FAF1: variants seen among roughly 807,000 people sequenced by gnomAD.
FAF1 encodes FAS-associated factor 1.
FAF1 carries 25 observed loss-of-function variants against 92.5 expected under a neutral mutation model. The observed-to-expected ratio is 0.27, with a 90% CI of 0.20 to 0.38. The LOEUF (loss-of-function observed/expected upper bound fraction) is 0.38, where lower values mean the gene tolerates loss of function less well. Ranked by LOEUF, FAF1 falls within the 10% of genes least tolerant of loss-of-function variation. FAF1 has a pLI of 1.00. For missense variants in FAF1, 636 were observed against 793.3 expected (o/e 0.80, Z 2.38); for synonymous variants, 234 against 273.2 (o/e 0.86, Z 1.42).
intron 4 of FAF1, among the ~76,000 whole-genome samples, chr1:50,775,237 A>G (rs1300082253): frequency 6.6e-6 from 1 of 152,148 alleles, no homozygotes; most frequent in African/African-American, 2.4e-5. Context: ...ATATACACAT[A>G]TATTCATATA....
At chr1:50,721,256 G>A (rs1297488312) in intron 6 of FAF1, among the ~76,000 whole-genome samples, 3 of 151,566 alleles carry the variant, frequency 2.0e-5, no homozygotes, top group African/African-American at 4.9e-5. Context: ...TAAGTGAGAC[G>A]AGTCTCACTC....
intron 8 of FAF1, among the ~76,000 whole-genome samples, chr1:50,606,232 A>G (rs1652384719): frequency 1.3e-5 from 2 of 152,340 alleles, no homozygotes; most frequent in South Asian, 4.1e-4. Flanking sequence ...AGTATTTTAT[A>G]TCAACTTATG....
chr1:50,549,121 C>G (rs368153348), intron 13 of FAF1, among the ~76,000 whole-genome samples: 2 of 152,274 alleles, frequency 1.3e-5, no homozygotes, highest in African/African-American at 2.4e-5. Flanking sequence ...ATTCTTTACA[C>G]CATGCTTGCC....
At chr1:50,474,281 A>G (rs1303663427) in intron 18 of FAF1, among the ~76,000 whole-genome samples, 4 of 152,192 alleles carry the variant, frequency 2.6e-5, no homozygotes, top group African/African-American at 9.7e-5. Context: ...CTTTAGAGGT[A>G]ATGTTCCTTA....
chr1:50,813,221 A>G (rs1427058779), intron 2 of FAF1, among the ~76,000 whole-genome samples: 2 of 152,020 alleles, frequency 1.3e-5, no homozygotes, highest in South Asian at 4.1e-4. Flanking sequence ...AATAAATTTT[A>G]AAAAAAAGAA....
chr1:50,736,311 A>G (rs531585392), intron 6 of FAF1, among the ~76,000 whole-genome samples: 82 of 152,352 alleles, frequency 5.4e-4, no homozygotes, highest in South Asian at 2.7e-3. Context: ...GAATCCATCA[A>G]TTGTAACAAA....
chr1:50,879,283 TGAATC>T (rs148881741), intron 1 of FAF1, among the ~76,000 whole-genome samples: 9,810 of 152,214 alleles, frequency 0.064, 385 homozygotes, highest in East Asian at 0.094. Context: ...AATGAATGAA[TGAATC>T]AGATTAATGT....
intron 7 of FAF1, among the ~76,000 whole-genome samples, chr1:50,676,385 C>A (rs1211676643): frequency 4.2e-5 from 6 of 144,226 alleles, no homozygotes; most frequent in African/African-American, 1.6e-4. Context: ...CCAGCCTGGG[C>A]AACAAGAGTG....
intron 1 of FAF1, among the ~76,000 whole-genome samples, chr1:50,886,447 T>G (rs1222278576): frequency 6.6e-6 from 1 of 152,164 alleles, no homozygotes; most frequent in East Asian, 1.9e-4. Flanking sequence ...CTTAGATATG[T>G]ACACATGTGC....
rs1486667261 is a variant in FAF1 at position 50,621,786 on chromosome 1, G to A, written c.745-25570C>T. The stretch of plus-strand genomic sequence containing the variant: ...GGAGCCCTGGAGGGTGGGTGTCTAT[G>A]GCTAATCTCTGCCAGAGCTGACCAG... On this transcript the variant is annotated intron_variant, in intron 8 of 18. Coordinates refer to ENST00000396153, the MANE Select transcript of FAF1 (RefSeq NM_007051.3). Among the ~76,000 whole-genome samples the A allele has an allele frequency of 1.2e-4, 19 of 152,202 alleles. No homozygotes were observed. In the South Asian group the frequency reaches 3.7e-3, roughly 30 times the overall value.
intron 1 of FAF1, among the ~76,000 whole-genome samples, chr1:50,886,911 G>A (rs1414719673): frequency 6.6e-6 from 1 of 152,166 alleles, no homozygotes; most frequent in Non-Finnish European, 1.5e-5. Context: ...GGATGGCTGG[G>A]TCAAATGGTA....
chr1:50,637,681 A>ATATATATGTG (rs1553123409), intron 8 of FAF1, among the ~76,000 whole-genome samples: 1 of 137,098 alleles, frequency 7.3e-6, no homozygotes, highest in Non-Finnish European at 1.6e-5. Flanking sequence ...ACATATATAT[A>ATATATATGTG]TGTGTGTGTG....
intron 2 of FAF1, among the ~76,000 whole-genome samples, chr1:50,817,991 C>A (rs975202425): frequency 6.6e-6 from 1 of 152,056 alleles, no homozygotes; most frequent in East Asian, 1.9e-4. Context: ...AAACAAAAAT[C>A]TAATCTATAG....
intron 14 of FAF1, among the ~76,000 whole-genome samples, chr1:50,537,305 G>A (rs1648535155): frequency 6.6e-6 from 1 of 152,130 alleles, no homozygotes; most frequent in Admixed American, 6.5e-5. Flanking sequence ...AGCCCTAACT[G>A]GAAGGCTCCA....
intron 18 of FAF1, among the ~76,000 whole-genome samples, chr1:50,475,179 G>T (rs1200848114): frequency 6.6e-6 from 1 of 152,206 alleles, no homozygotes; most frequent in Non-Finnish European, 1.5e-5. Flanking sequence ...GAGGAATACA[G>T]ATGAGACATC....
chr1:50,853,776 C>A (rs1042955631), intron 2 of FAF1, among the ~76,000 whole-genome samples: 1 of 151,310 alleles, frequency 6.6e-6, no homozygotes, highest in Non-Finnish European at 1.5e-5. Flanking sequence ...AGTGGCAGAG[C>A]ATCTTCTCCT....
At chr1:50,459,130 C>A (rs1646393393) in intron 18 of FAF1, among the ~76,000 whole-genome samples, 1 of 152,062 alleles carries the variant, frequency 6.6e-6, no homozygotes, top group African/African-American at 2.4e-5. Flanking sequence ...TGCCACCACA[C>A]CTGGCTAATT....
intron 7 of FAF1, among the ~76,000 whole-genome samples, chr1:50,679,436 C>T (rs556131930): frequency 6.6e-6 from 1 of 150,768 alleles, no homozygotes; most frequent in Non-Finnish European, 1.5e-5. Flanking sequence ...ATTATTTCTA[C>T]TTCACAGATG....
chr1:50,671,997 T>C (rs1052527809), intron 7 of FAF1, among the ~76,000 whole-genome samples: 11 of 150,448 alleles, frequency 7.3e-5, no homozygotes, highest in Non-Finnish European at 1.5e-4. Context: ...AAGGTCTCAC[T>C]ATGTTGTCCA....
Sources: allele counts gnomAD v4.1 joint callset (sites outside exome capture counted in the v4.1 genomes callset), GRCh38; gene constraint gnomAD v4.1.1; transcripts MANE v1.5; gene names NCBI Gene and HGNC (gene_info 2026-07-23, HGNC 2026-07-21).